CNTNAP2: variants seen among roughly 807,000 people sequenced by gnomAD.
CNTNAP2 encodes the protein contactin associated protein 2.
In CNTNAP2, 98 loss-of-function variants were observed where a neutral mutation model predicts 155.2. That is an observed-to-expected ratio of 0.63 (90% CI 0.54 to 0.75). CNTNAP2 has a LOEUF of 0.75. Ranked by LOEUF, CNTNAP2 falls within the 30% of genes least tolerant of loss-of-function variation. CNTNAP2 has a pLI of 0.00. For missense variants in CNTNAP2, 1,727 were observed against 1,688.1 expected, an observed-to-expected ratio of 1.02 and a Z score of -0.40; for synonymous variants, 651 against 631.2, an observed-to-expected ratio of 1.03 and a Z score of -0.47.
intron 1 of CNTNAP2, among the ~76,000 whole-genome samples, chr7:146,568,690 C>T (rs971701374): frequency 1.3e-5 from 2 of 152,210 alleles, no homozygotes; most frequent in East Asian, 3.9e-4. Context: ...ACAGATTCTA[C>T]TGATTTTTGG....
chr7:147,651,937 A>G (rs899016063), intron 13 of CNTNAP2, among the ~76,000 whole-genome samples: 8 of 152,164 alleles, frequency 5.3e-5, no homozygotes, highest in African/African-American at 1.7e-4. Context: ...CTTGCCATCA[A>G]CATTCCTCTG....
chr7:147,616,562 T>C (rs1163139275), intron 12 of CNTNAP2, among the ~76,000 whole-genome samples: 1 of 152,168 alleles, frequency 6.6e-6, no homozygotes, highest in Non-Finnish European at 1.5e-5. Flanking sequence ...CATTAGTTCA[T>C]CTTAGATTAC....
At chr7:146,969,370 A>G (rs1202451439) in intron 3 of CNTNAP2, among the ~76,000 whole-genome samples, 1 of 151,888 alleles carries the variant, frequency 6.6e-6, no homozygotes. Flanking sequence ...TATCCTTGTT[A>G]ACTTTCTGTC....
chr7:147,528,616 T>C (rs553008728), intron 11 of CNTNAP2, among the ~76,000 whole-genome samples: 42 of 152,306 alleles, frequency 2.8e-4, no homozygotes, highest in Non-Finnish European at 4.3e-4. Flanking sequence ...TCTTACATGT[T>C]CCTGGTTTAA....
intron 1 of CNTNAP2, among the ~76,000 whole-genome samples, chr7:146,693,745 T>A (rs1241570057): frequency 2.6e-5 from 4 of 152,146 alleles, no homozygotes; most frequent in African/African-American, 9.7e-5. Context: ...TTATTTTAAG[T>A]TCTGGGGTAC....
chr7:148,310,672 T>C (rs1180321990), intron 21 of CNTNAP2, among the ~76,000 whole-genome samples: 2 of 152,116 alleles, frequency 1.3e-5, no homozygotes, highest in African/African-American at 2.4e-5. Flanking sequence ...GCCTGTCCAA[T>C]TAGCAGGTAG....
intron 1 of CNTNAP2, among the ~76,000 whole-genome samples, chr7:146,734,115 G>A (rs1346824693): frequency 6.6e-6 from 1 of 152,040 alleles, no homozygotes; most frequent in African/African-American, 2.4e-5. Flanking sequence ...CAAAATACAG[G>A]ATGTTTTTCC....
intron 13 of CNTNAP2, among the ~76,000 whole-genome samples, chr7:147,710,978 G>A (rs750727317): frequency 7.2e-5 from 11 of 152,106 alleles, no homozygotes; most frequent in African/African-American, 1.4e-4. Flanking sequence ...ATTGTTACTC[G>A]AAGCTGTTGT....
chr7:147,919,701 G>A (rs146883444), intron 14 of CNTNAP2, among the ~76,000 whole-genome samples: 5,261 of 151,184 alleles, frequency 0.035, 126 homozygotes, highest in Middle Eastern at 0.076. Context: ...CTCGTGATCC[G>A]CCCGCCTCGG....
At chr7:146,172,354 C>T (rs1798407300) in intron 1 of CNTNAP2, among the ~76,000 whole-genome samples, 1 of 152,030 alleles carries the variant, frequency 6.6e-6, no homozygotes, top group Non-Finnish European at 1.5e-5. Context: ...CTACTGTGTA[C>T]ATGACCACCC....
intron 21 of CNTNAP2, among the ~76,000 whole-genome samples, chr7:148,367,898 TACAG>T (rs1452739613): frequency 3.3e-5 from 5 of 151,272 alleles, no homozygotes; most frequent in African/African-American, 9.7e-5. Flanking sequence ...CCTCAACATG[TACAG>T]ACAGTTAAAA....
At chr7:146,149,901 C>G (rs1007506575) in intron 1 of CNTNAP2, among the ~76,000 whole-genome samples, 5 of 136,608 alleles carry the variant, frequency 3.7e-5, no homozygotes, top group Non-Finnish European at 8.0e-5. Context: ...AAAAAAAAGA[C>G]CAGTCAGGCT....
At position 148,420,202 on chromosome 7, in the gene CNTNAP2, T is replaced by C. The variant is rs1387331747; in HGVS notation, c.*4586T>C. The C allele has an allele frequency of 6.6e-6, 1 of 152,168 alleles. No individual in the cohort carries two copies. The highest frequency in any genetic ancestry group is 1.5e-5 in the Non-Finnish European group (1 of 68,038). The allele number at this position is 152,168 out of a possible 1,614,324, so 9.4% of individuals were successfully genotyped here. On this transcript the variant is annotated 3_prime_UTR_variant, in exon 24 of 24. Coordinates refer to ENST00000361727, the MANE Select transcript of CNTNAP2 (RefSeq NM_014141.6). ...AGAAAGCCCTAAATTCCCACCTGAATGTAACTTACAGCTCCCTTACCTACT... is the reference window on the plus strand; with the variant it reads ...AGAAAGCCCTAAATTCCCACCTGAACGTAACTTACAGCTCCCTTACCTACT...
chr7:146,905,701 G>C (rs572287607), intron 3 of CNTNAP2, among the ~76,000 whole-genome samples: 1 of 152,326 alleles, frequency 6.6e-6, no homozygotes, highest in East Asian at 1.9e-4. Context: ...AGTGGGCAAT[G>C]AGTGATAAGC....
At chr7:147,275,339 C>A (rs1804871521) in intron 8 of CNTNAP2, among the ~76,000 whole-genome samples, 2 of 151,682 alleles carry the variant, frequency 1.3e-5, no homozygotes, top group Non-Finnish European at 2.9e-5. Context: ...TTTCTTTCAG[C>A]AGTGCTTTGT....
intron 9 of CNTNAP2, among the ~76,000 whole-genome samples, chr7:147,364,109 C>G (rs1030109742): frequency 2.6e-5 from 4 of 152,148 alleles, no homozygotes; most frequent in African/African-American, 9.7e-5. Context: ...AAGATATTAT[C>G]TCTCATCAAA....
At chr7:148,111,545 A>G (rs1298301595) in intron 15 of CNTNAP2, among the ~76,000 whole-genome samples, 1 of 152,124 alleles carries the variant, frequency 6.6e-6, no homozygotes, top group African/African-American at 2.4e-5. Context: ...TAGAAAAAAA[A>G]AAATCTAAAA....
intron 11 of CNTNAP2, among the ~76,000 whole-genome samples, chr7:147,505,916 G>A (rs1302342717): frequency 6.6e-6 from 1 of 151,956 alleles, no homozygotes; most frequent in Admixed American, 6.6e-5. Context: ...ATCAGATCTT[G>A]TAACGAGAAT....
chr7:147,732,181 T>TTC (rs1796752020), intron 13 of CNTNAP2, among the ~76,000 whole-genome samples: 2 of 108,532 alleles, frequency 1.8e-5, no homozygotes, highest in East Asian at 2.6e-4. Context: ...ATGCTATCCC[T>TTC]CCCCCCCCCA....
Sources: allele counts gnomAD v4.1 joint callset (sites outside exome capture counted in the v4.1 genomes callset), GRCh38; gene constraint gnomAD v4.1.1; transcripts MANE v1.5; gene names NCBI Gene and HGNC (gene_info 2026-07-23, HGNC 2026-07-21).